Variants in ERBB3 observed in about 807,000 individuals in gnomAD.
The protein encoded by ERBB3 is receptor tyrosine-protein kinase erbB-3.
A neutral mutation model predicts 156.7 loss-of-function variants in ERBB3; 96 were observed. The observed-to-expected ratio is 0.61, with a 90% CI of 0.52 to 0.73. The LOEUF is 0.73. Ranked by LOEUF, ERBB3 falls within the 30% of genes least tolerant of loss-of-function variation. ERBB3 has a pLI of 0.00. For synonymous variants in ERBB3, 567 were observed against 632.0 expected (o/e 0.90, Z 1.54); for missense variants, 1,406 against 1,709.4 (o/e 0.82, Z 3.13).
At chr12:56,099,242 C>T (rs1188708685) in intron 23 of ERBB3, among the ~76,000 whole-genome samples, 4 of 151,464 alleles carry the variant, frequency 2.6e-5, no homozygotes, top group Non-Finnish European at 5.9e-5. Flanking sequence ...AGGTGTGAGC[C>T]ATCATGCTCG....
chr12:56,081,543 G>T lies in ERBB3; in HGVS notation c.82+1161G>T, dbSNP rs77193972. Among the ~76,000 whole-genome samples the T allele has an allele frequency of 8.3e-3, 1,266 of 152,302 alleles. 6 individuals are homozygous for T. The highest frequency in any genetic ancestry group is 0.016 in the Admixed American group (246 of 15,298). On this transcript the variant is annotated intron_variant, in intron 1 of 27. Transcript: ENST00000267101. ...ATGTGAACACTCCCAGCTGGTGGAG[G>T]GGGGTGGTCTGGGGACTGGCGTGGG...
chr12:56,094,312 A>G (rs1360821242), intron 14 of ERBB3, 90 bp from the exon 15 acceptor site: 1 of 1,522,876 alleles, frequency 6.6e-7, no homozygotes, highest in African/African-American at 1.4e-5. Flanking sequence ...CTGCAGATAG[A>G]AGATCCTGAA....
chr12:56,080,224 T>G lies in ERBB3; in HGVS notation c.-77T>G, dbSNP rs1026235484. 2.9e-5 allele frequency: 35 copies of G among 1,191,300 alleles called. No individual in the cohort carries two copies. The highest frequency in any genetic ancestry group is 4.0e-5 in the Non-Finnish European group (33 of 825,148). The allele number at this position is 1,191,300 out of a possible 1,614,324, so 73.8% of individuals were successfully genotyped here. ...GCCACCAATTCGCCAGCGGTTCAGGTGGCTCTTGCCTCGATGTCCTAGCCT... is the reference window on the plus strand; with the variant it reads ...GCCACCAATTCGCCAGCGGTTCAGGGGGCTCTTGCCTCGATGTCCTAGCCT... On this transcript the variant is annotated 5_prime_UTR_variant, in exon 1 of 28. Transcript: ENST00000267101.
intron 26 of ERBB3, 112 bp from the exon 27 acceptor site, chr12:56,100,939 CAAAAAAAAAA>C (rs10536745): frequency 1.6e-5 from 5 of 303,720 alleles, no homozygotes; most frequent in Admixed American, 1.6e-4. Flanking sequence ...GACTCCACCT[CAAAAAAAAAA>C]AAAAAAAAAA....
In ERBB3 at chr12:56,084,147, G is replaced by T. The variant is rs537539761; in HGVS notation, c.234+245G>T. On this transcript the variant is annotated intron_variant, in intron 2 of 27. Coordinates refer to ENST00000267101, the MANE Select transcript of ERBB3 (RefSeq NM_001982.4). ...GGTGGTGTTCTGTGGATAGTGCAAGGTCAGCAGGGACTAGTGCAGAGAGAA... is the reference window on the plus strand; with the variant it reads ...GGTGGTGTTCTGTGGATAGTGCAAGTTCAGCAGGGACTAGTGCAGAGAGAA... Among the ~76,000 whole-genome samples the T allele has an allele frequency of 4.6e-5, 7 of 152,280 alleles. No individual in the cohort carries two copies. In the South Asian group the frequency reaches 1.4e-3, roughly 32 times the overall value.
chr12:56,096,668 G>C, intron 18 of ERBB3, 46 bp downstream of exon 18: 1 of 1,614,044 alleles, frequency 6.2e-7, no homozygotes, highest in Non-Finnish European at 8.5e-7. Flanking sequence ...AGGCATCTAG[G>C]GCAAAGGGGT....
intron 1 of ERBB3, among the ~76,000 whole-genome samples, chr12:56,080,780 A>C (rs1433463472): frequency 6.6e-6 from 1 of 151,088 alleles, no homozygotes; most frequent in East Asian, 2.0e-4. Flanking sequence ...CCTGCCCCCC[A>C]CCCGCGCCGA....
chr12:56,080,192 C>T lies in ERBB3; in HGVS notation c.-109C>T, dbSNP rs1868335616. 1.1e-5 allele frequency: 10 copies of T among 882,006 alleles called. No homozygotes were observed. In the Admixed American group the frequency reaches 1.4e-4, roughly 12 times the overall value. 54.6% of individuals were successfully genotyped at this position (882,006 alleles called of 1,614,324 possible). A position where few individuals can be genotyped will look rare whatever the true frequency, so the allele number is the denominator to read the frequency against. ...AATTTGCAACCTCCGCTGCCGTCGCCGCAGCAGCCACCAATTCGCCAGCGG... is the reference window on the plus strand; with the variant it reads ...AATTTGCAACCTCCGCTGCCGTCGCTGCAGCAGCCACCAATTCGCCAGCGG... On this transcript the variant is annotated 5_prime_UTR_variant, in exon 1 of 28. Transcript: ENST00000267101.
chr12:56,092,917 G>A (rs1868763124), intron 10 of ERBB3, 69 bp from the exon 11 acceptor site: 3 of 1,539,728 alleles, frequency 1.9e-6, no homozygotes, highest in South Asian at 1.1e-5. Flanking sequence ...CCAAGTTATA[G>A]GGGAGGAGCC....
At chr12:56,095,199 T>A (rs1868851402) in intron 15 of ERBB3, 58 bp from the exon 16 acceptor site, 9 of 1,303,604 alleles carry the variant, frequency 6.9e-6, no homozygotes, top group Admixed American at 1.7e-5. Flanking sequence ...TGTTAGGCTG[T>A]TGAAATTGAG....
At position 56,098,560 on chromosome 12, in the gene ERBB3, G is replaced by A; in HGVS notation, c.2677G>A (p.Asp893Asn). Residue 893 changes from aspartate to asparagine, a missense_variant, in exon 22 of 28, where the codon GAT (aspartate) becomes AAT (asparagine). By Grantham distance (23) the Asp-to-Asn change is conservative. Around this residue, in one of 3 missense-constraint regions of ERBB3, gnomAD observed 979 missense variants for 1,219.6 expected, o/e 0.80. Coordinates refer to ENST00000267101, the MANE Select transcript of ERBB3 (RefSeq NM_001982.4). Reference sequence around the variant, plus strand: ...CTTTGGGAAATACACACACCAGAGTGATGTCTGGAGCTATGGTCAGTGCAT... The same window carrying A: ...CTTTGGGAAATACACACACCAGAGTAATGTCTGGAGCTATGGTCAGTGCAT... The part of the protein sequence containing the change: ...IHFGKYTHQS[D>N]VWSYGVTVWE... The A allele has an allele frequency of 6.2e-7, 1 of 1,613,246 alleles. No homozygotes were observed. The highest frequency in any genetic ancestry group is 1.3e-5 in the African/African-American group (1 of 75,048).
Position 56,103,241 on chromosome 12 carries a change from G to A in ERBB3, c.*1186G>A. The A allele has an allele frequency of 4.4e-6, 1 of 227,662 alleles. No homozygotes were observed. The highest frequency in any genetic ancestry group is 6.3e-5 in the East Asian group (1 of 15,892). The allele number at this position is 227,662 out of a possible 1,614,324, so 14.1% of individuals were successfully genotyped here. A position where few individuals can be genotyped will look rare whatever the true frequency, so the allele number is the denominator to read the frequency against. ...GAAGGAAAAATAACTGGACATCTTT[G>A]TGTAAACCATAATCCACATGTGCCG... On this transcript the variant is annotated 3_prime_UTR_variant, in exon 28 of 28. Transcript: ENST00000267101.
At chr12:56,098,422 A>G in intron 21 of ERBB3, 78 bp from the exon 22 acceptor site, 1 of 1,194,740 alleles carries the variant, frequency 8.4e-7, no homozygotes, top group Non-Finnish European at 1.2e-6. Context: ...AAAAAAAAAA[A>G]AAAAAGAATT....
rs752581968 is a variant in ERBB3, at chr12:56,101,193, G to A, written c.3334G>A (p.Val1112Met). 7.4e-6 allele frequency: 12 copies of A among 1,614,036 alleles called. No homozygotes were observed. The highest frequency in any genetic ancestry group is 8.5e-6 in the Non-Finnish European group (10 of 1,180,030). Residue 1112 changes from valine (V) to methionine (M), a missense_variant, in exon 27 of 28, where the codon GTG becomes ATG. Around this residue, in one of 3 missense-constraint regions of ERBB3, gnomAD observed 415 missense variants for 454.1 expected, o/e 0.91. Transcript: ENST00000267101. ...TGSEAELQEK[V>M]SMCRSRSRSR... is the part of the protein sequence containing the mutation. ...CTCTGAGGCTGAGCTCCAGGAGAAA[G>A]TGTCAATGTGTAGGAGCCGGAGCAG...
At position 56,080,188 on chromosome 12, in the gene ERBB3, T is replaced by C. The variant is rs1868335529; in HGVS notation, c.-113T>C. The C allele has an allele frequency of 4.7e-6, 4 of 844,506 alleles. No individual in the cohort carries two copies. Among genetic ancestry groups the C allele is most frequent in the East Asian group, 2.7e-5 (1 of 37,720 alleles). 52.3% of individuals were successfully genotyped at this position (844,506 alleles called of 1,614,324 possible). The stretch of plus-strand genomic sequence containing the variant: ...TTGCAATTTGCAACCTCCGCTGCCG[T>C]CGCCGCAGCAGCCACCAATTCGCCA... On this transcript the variant is annotated 5_prime_UTR_variant, in exon 1 of 28. Transcript: ENST00000267101.
In ERBB3 at chr12:56,102,442, G is replaced by T. The variant is rs1205378790; in HGVS notation, c.*387G>T. 8 of 265,978 alleles carry T rather than the reference G, an allele frequency of 3.0e-5. No homozygotes were observed. In the South Asian group the frequency reaches 7.3e-4, roughly 24 times the overall value. 16.5% of individuals were successfully genotyped at this position (265,978 alleles called of 1,614,324 possible). ...TTTCCCATCAGACTGTCAAGAAGAG[G>T]AAAGGGAGGAAACCTAGCAGAGGAA... On this transcript the variant is annotated 3_prime_UTR_variant, in exon 28 of 28. Coordinates refer to ENST00000267101, the MANE Select transcript of ERBB3 (RefSeq NM_001982.4).
chr12:56,089,756 GA>G (rs1868609582), intron 9 of ERBB3, among the ~76,000 whole-genome samples: 1 of 150,134 alleles, frequency 6.7e-6, no homozygotes, highest in Non-Finnish European at 1.5e-5. Flanking sequence ...AAAAAAAAAA[GA>G]AAAGAAAAGA....
Position 56,095,251 on chromosome 12 carries a change from C to T in ERBB3, c.1860-6C>T, listed in dbSNP as rs768004540. 6.2e-7 allele frequency: 1 copy of T among 1,610,930 alleles called. No individual in the cohort carries two copies. The highest frequency in any genetic ancestry group is 1.3e-5 in the African/African-American group (1 of 74,968). The stretch of plus-strand genomic sequence containing the variant: ...TCTCATTTAAGGTGGTGACTTTCTT[C>T]CCTAGGTGTAAAGGACCAGAGCTTC... On this transcript the variant is annotated splice_polypyrimidine_tract_variant and splice_region_variant and intron_variant, in intron 15 of 27. Transcript: ENST00000267101.
At chr12:56,090,374 A>G (rs1018807980) in intron 9 of ERBB3, among the ~76,000 whole-genome samples, 29 of 152,054 alleles carry the variant, frequency 1.9e-4, no homozygotes, top group African/African-American at 6.5e-4. Flanking sequence ...GCTCATGCCT[A>G]TAATCCCAGC....
Sources: gnomAD v4.1 joint callset for allele counts (sites outside exome capture counted in the v4.1 genomes callset) on GRCh38, gnomAD v4.1.1 for gene constraint, gnomAD v4.1.1 regional missense constraint, MANE v1.5 for transcripts, NCBI Gene and HGNC (gene_info 2026-07-23, HGNC 2026-07-21) for gene names.